The following RPS6KA5 variants were observed in gnomAD, a reference collection of about 807,000 sequenced individuals.
The protein encoded by RPS6KA5 is ribosomal protein S6 kinase A5.
Under a neutral mutation model 85.5 loss-of-function variants are expected in RPS6KA5, and 27 were observed. The ratio of observed to expected loss-of-function variants is 0.32; its 90% CI spans 0.23 to 0.44. The LOEUF is 0.44. RPS6KA5 is among the 20% of genes least tolerant of loss of function. The pLI, the probability that RPS6KA5 is intolerant of heterozygous loss-of-function variation, is 1.00. For missense variants in RPS6KA5, 811 were observed against 980.9 expected (o/e 0.83, Z 2.31); for synonymous variants, 334 against 348.2 (o/e 0.96, Z 0.46).
intron 1 of RPS6KA5, among the ~76,000 whole-genome samples, chr14:91,010,865 G>A (rs117550419): frequency 0.013 from 1,942 of 152,186 alleles, 17 homozygotes; most frequent in Middle Eastern, 0.02. Flanking sequence ...AATGGGATCC[G>A]GGACAGAAGA....
chr14:90,971,439 C>T (rs1021521230), intron 3 of RPS6KA5, among the ~76,000 whole-genome samples: 1 of 152,140 alleles, frequency 6.6e-6, no homozygotes, highest in Non-Finnish European at 1.5e-5. Flanking sequence ...GGTCAAAGTC[C>T]TGATGCCTGA....
intron 1 of RPS6KA5, among the ~76,000 whole-genome samples, chr14:91,039,724 A>C (rs1160083274): frequency 1.3e-5 from 2 of 152,212 alleles, no homozygotes; most frequent in African/African-American, 2.4e-5. Context: ...GCTGAAGCCC[A>C]AACAGAACTG....
At chr14:90,937,777 C>A (rs781595090) in intron 5 of RPS6KA5, among the ~76,000 whole-genome samples, 2 of 152,148 alleles carry the variant, frequency 1.3e-5, no homozygotes, top group Non-Finnish European at 2.9e-5. Context: ...AAGACTTACT[C>A]ATTATCATGA....
chr14:90,867,839 T>C lies in RPS6KA5; in HGVS notation c.*4235A>G, dbSNP rs1189178335. On this transcript the variant is annotated 3_prime_UTR_variant, in exon 17 of 17. Coordinates refer to ENST00000614987, the MANE Select transcript of RPS6KA5 (RefSeq NM_004755.4). The stretch of plus-strand genomic sequence containing the variant: ...AGGAAAATATTAGGCACCTACTTAA[T>C]TCACAAATTCATGAAACAGGGTGGA... 6.6e-6 allele frequency: 1 copy of C among 152,222 alleles called. No homozygotes were observed. Among genetic ancestry groups the C allele is most frequent in the Non-Finnish European group, 1.5e-5 (1 of 68,028 alleles). The allele number at this position is 152,222 out of a possible 1,614,324, so 9.4% of individuals were successfully genotyped here. A position where few individuals can be genotyped will look rare whatever the true frequency, so the allele number is the denominator to read the frequency against.
At chr14:90,946,348 T>C (rs1396653673) in intron 4 of RPS6KA5, among the ~76,000 whole-genome samples, 1 of 152,026 alleles carries the variant, frequency 6.6e-6, no homozygotes, top group African/African-American at 2.4e-5. Flanking sequence ...TTCTCACACG[T>C]TTTTCATTCA....
chr14:90,890,497 C>T lies in RPS6KA5; in HGVS notation c.1826G>A (p.Gly609Asp), dbSNP rs775033644. ...YDESCDLWSL[G>D]VILYTMLSGQ... ...TTGAAAAGAACTCACCAAAATGACG[C>T]CCAAGCTCCACAGGTCACAGGACTC... Residue 609 changes from glycine (G) to aspartate (D), a missense_variant, in exon 14 of 17, where the codon GGC becomes GAC. By Grantham distance (94) the Gly-to-Asp change is moderately conservative. Around this residue, in one of 3 missense-constraint regions of RPS6KA5, gnomAD observed 650 missense variants for 793.4 expected, o/e 0.82. Coordinates refer to ENST00000614987, the MANE Select transcript of RPS6KA5 (RefSeq NM_004755.4). 6 of 1,604,734 alleles carry T rather than the reference C, an allele frequency of 3.7e-6. No individual in the cohort carries two copies. The South Asian group carries it at 6.7e-5, about 18-fold the overall frequency.
intron 14 of RPS6KA5, among the ~76,000 whole-genome samples, chr14:90,886,801 T>A (rs2034255205): frequency 6.6e-6 from 1 of 152,230 alleles, no homozygotes. Flanking sequence ...TCTATTTTTA[T>A]TAAAGTCCTA....
chr14:90,922,694 C>T (rs1001489504), intron 6 of RPS6KA5, among the ~76,000 whole-genome samples: 3 of 152,156 alleles, frequency 2.0e-5, no homozygotes, highest in African/African-American at 7.2e-5. Flanking sequence ...GGTGATCCAT[C>T]CACCTTGGCC....
rs2034723934 is a variant in RPS6KA5 at position 90,894,428 on chromosome 14, C to T, written c.1629G>A (p.Arg543=). The T allele has an allele frequency of 1.2e-6, 2 of 1,613,914 alleles. No individual in the cohort carries two copies. Among genetic ancestry groups the T allele is most frequent in the Middle Eastern group, 3.3e-4 (2 of 6,062 alleles). The change falls in exon 13 of 17, where the codon AGG becomes AGA. Residue 543 remains arginine, a synonymous_variant. Transcript: ENST00000614987. Reference sequence around the variant, plus strand: ...GATTTTATACCTCAGGTTTCAGATCCCTGTGCACCACTCCAACATCATGCA... The same window carrying T: ...GATTTTATACCTCAGGTTTCAGATCTCTGTGCACCACTCCAACATCATGCA... The part of the protein sequence containing the change: ...SHMHDVGVVH[R]DLKPENLLFT...
At chr14:90,944,650 G>A (rs1380211508) in intron 4 of RPS6KA5, among the ~76,000 whole-genome samples, 1 of 151,900 alleles carries the variant, frequency 6.6e-6, no homozygotes, top group African/African-American at 2.4e-5. Context: ...AGCTACTCGG[G>A]AGGCTGAGGC....
At chr14:90,940,205 T>G (rs1277292344) in intron 5 of RPS6KA5, among the ~76,000 whole-genome samples, 3 of 152,186 alleles carry the variant, frequency 2.0e-5, no homozygotes, top group Non-Finnish European at 4.4e-5. Flanking sequence ...CCCTTAAAGC[T>G]TAATAGTAAT....
intron 14 of RPS6KA5, among the ~76,000 whole-genome samples, chr14:90,889,001 T>C (rs553638683): frequency 4.6e-5 from 7 of 152,118 alleles, no homozygotes; most frequent in African/African-American, 1.7e-4. Context: ...TAAAGAGCAA[T>C]TCATAAAAGA....
intron 14 of RPS6KA5, among the ~76,000 whole-genome samples, chr14:90,876,713 G>A (rs1260908958): frequency 6.6e-6 from 1 of 152,224 alleles, no homozygotes; most frequent in Non-Finnish European, 1.5e-5. Flanking sequence ...GATGGTTTGA[G>A]AAGGGAGCAG....
intron 7 of RPS6KA5, among the ~76,000 whole-genome samples, chr14:90,912,183 A>G (rs2035861815): frequency 6.6e-6 from 1 of 152,116 alleles, no homozygotes; most frequent in Non-Finnish European, 1.5e-5. Flanking sequence ...TATCCTCCCA[A>G]ATGCTATATA....
At chr14:90,897,970 T>C (rs936238971) in intron 12 of RPS6KA5, among the ~76,000 whole-genome samples, 12 of 152,096 alleles carry the variant, frequency 7.9e-5, no homozygotes, top group African/African-American at 2.9e-4. Context: ...CAAGAGGAGG[T>C]AGAGGATCAG....
intron 5 of RPS6KA5, among the ~76,000 whole-genome samples, chr14:90,941,358 G>T (rs998098641): frequency 2.6e-5 from 4 of 152,156 alleles, no homozygotes; most frequent in Non-Finnish European, 5.9e-5. Flanking sequence ...TGGAGATTTT[G>T]TTCTTGGCTT....
intron 14 of RPS6KA5, among the ~76,000 whole-genome samples, chr14:90,881,128 C>A (rs1342331552): frequency 6.6e-6 from 1 of 151,922 alleles, no homozygotes; most frequent in African/African-American, 2.4e-5. Flanking sequence ...GCCACCATGC[C>A]CAGCCTCTTG....
intron 1 of RPS6KA5, among the ~76,000 whole-genome samples, chr14:91,019,503 G>C (rs887540537): frequency 1.3e-5 from 2 of 152,102 alleles, no homozygotes; most frequent in Admixed American, 6.5e-5. Flanking sequence ...ACTTTCCTGG[G>C]TCTCCACCCT....
At chr14:90,979,625 G>C (rs1566819978) in intron 2 of RPS6KA5, among the ~76,000 whole-genome samples, 1 of 152,230 alleles carries the variant, frequency 6.6e-6, no homozygotes, top group Admixed American at 6.5e-5. Flanking sequence ...AGTACTCTGG[G>C]AACTGGATTA....
Sources: gnomAD v4.1 joint callset for allele counts (sites outside exome capture counted in the v4.1 genomes callset) on GRCh38, gnomAD v4.1.1 for gene constraint, gnomAD v4.1.1 regional missense constraint, MANE v1.5 for transcripts, NCBI Gene and HGNC (gene_info 2026-07-23, HGNC 2026-07-21) for gene names.